The following METTL13 variants were observed in gnomAD, a reference collection of about 807,000 sequenced individuals.
METTL13 encodes the protein eEF1A lysine and N-terminal methyltransferase.
METTL13 carries 52 observed loss-of-function variants against 67.4 expected under a neutral mutation model. That is an observed-to-expected ratio of 0.77 (90% CI 0.62 to 0.97). METTL13 has a LOEUF of 0.97. METTL13 is among the 50% of genes least tolerant of loss of function. The pLI is 0.00. For missense variants in METTL13, 825 were observed against 889.6 expected, an observed-to-expected ratio of 0.93 and a Z score of 0.92; for synonymous variants, 354 against 353.6, an observed-to-expected ratio of 1.00 and a Z score of -0.01.
intron 5 of METTL13, 133 bp downstream of exon 5, chr1:171,790,749 G>A (rs1657179440): frequency 9.9e-7 from 1 of 1,009,748 alleles, no homozygotes; most frequent in Non-Finnish European, 1.3e-6. Context: ...TCTCAACCAT[G>A]TTATAAGTTA....
At chr1:171,792,396 G>A (rs567474478) in intron 6 of METTL13, among the ~76,000 whole-genome samples, 161 bp downstream of exon 6, 1 of 152,352 alleles carries the variant, frequency 6.6e-6, no homozygotes, top group South Asian at 2.1e-4. Flanking sequence ...TAGAGTACCA[G>A]CTATATGCTT....
In METTL13 at chr1:171,782,073, C is replaced by T. The variant is rs1656841075; in HGVS notation, c.106C>T (p.Leu36=). Residue 36 remains leucine, a synonymous_variant, in exon 1 of 8, where the codon CTG becomes TTG. Transcript: ENST00000361735. ...AGCTTTCGAGTGGTATGGAACCTAC[C>T]TGGAACTGTGCGGGGTGCTACATAA... ...KKAFEWYGTY[L]ELCGVLHKYI... 2 of 1,613,976 alleles carry T rather than the reference C, an allele frequency of 1.2e-6. No homozygotes were observed. The highest frequency in any genetic ancestry group is 1.1e-5 in the South Asian group (1 of 91,090).
Position 171,784,291 on chromosome 1 carries a change from G to A in METTL13, c.705G>A (p.Arg235=). The stretch of plus-strand genomic sequence containing the variant: ...CTCAGGAGCAGCGCAAGCCTGTGCG[G>A]CTGGAGAGTGCCGAGCGGCTGGCCG... ...LCAQEQRKPV[R]LESAERLAEA... Residue 235 remains arginine (R), a synonymous_variant, in exon 2 of 8, where the codon CGG becomes CGA. Coordinates refer to ENST00000361735, the MANE Select transcript of METTL13 (RefSeq NM_015935.5). 6.2e-7 allele frequency: 1 copy of A among 1,611,768 alleles called. No individual in the cohort carries two copies. The highest frequency in any genetic ancestry group is 8.5e-7 in the Non-Finnish European group (1 of 1,178,478).
In METTL13 at chr1:171,790,577, G is replaced by A. The variant is rs768437267; in HGVS notation, c.1435G>A (p.Ala479Thr). 23 of 1,596,456 alleles carry A rather than the reference G, an allele frequency of 1.4e-5. No homozygotes were observed. Among genetic ancestry groups the A allele is most frequent in the Admixed American group, 7.1e-5 (4 of 56,068 alleles). Residue 479 changes from alanine to threonine, a missense_variant, in exon 5 of 8, where the codon GCT becomes ACT. By Grantham distance (58) the Ala-to-Thr change is moderately conservative (BLOSUM62 0). Transcript: ENST00000361735. ...TTGTGAACACCACAAAGCCATGATC[G>A]CTGGCCTTGCCCTGCTGAGAAACCC... ...LCCEHHKAMI[A>T]GLALLRNPEL... is the part of the protein sequence containing the mutation.
intron 6 of METTL13, 92 bp from the exon 7 acceptor site, chr1:171,794,295 TCACCATGCC>T (rs1176330879): frequency 3.3e-6 from 5 of 1,530,912 alleles, no homozygotes; most frequent in Non-Finnish European, 3.6e-6. Flanking sequence ...TCTAACTTAG[TCACCATGCC>T]CACCACTGGT....
At chr1:171,789,183 G>A (rs1558131615) in intron 4 of METTL13, among the ~76,000 whole-genome samples, 1 of 152,116 alleles carries the variant, frequency 6.6e-6, no homozygotes, top group Non-Finnish European at 1.5e-5. Flanking sequence ...CTCCCTCATG[G>A]GAGTATTGGT....
rs1656938417 is a variant in METTL13 at position 171,784,403 on chromosome 1, T to C, written c.817T>C (p.Cys273Arg). The change falls in exon 2 of 8, where the codon TGC (cysteine) becomes CGC (arginine). Residue 273 changes from cysteine to arginine, a missense_variant. Coordinates refer to ENST00000361735, the MANE Select transcript of METTL13 (RefSeq NM_015935.5). ...ARLGSVSLDL[C>R]DGDTGEPRYT... Reference sequence around the variant, plus strand: ...GCTGGGGAGTGTGTCTCTGGACTTGTGCGATGGGGACACGGGGGAGCCACG... The same window carrying C: ...GCTGGGGAGTGTGTCTCTGGACTTGCGCGATGGGGACACGGGGGAGCCACG... 2 of 1,555,132 alleles carry C rather than the reference T, an allele frequency of 1.3e-6. No individual in the cohort carries two copies. Among genetic ancestry groups the C allele is most frequent in the African/African-American group, 1.4e-5 (1 of 73,470 alleles).
chr1:171,789,080 A>T (rs1458809758), intron 4 of METTL13, among the ~76,000 whole-genome samples: 1 of 152,004 alleles, frequency 6.6e-6, no homozygotes, highest in Non-Finnish European at 1.5e-5. Context: ...TTAAAAGAAC[A>T]TTTTGCCCCT....
At chr1:171,783,256 C>T (rs1656886172) in intron 1 of METTL13, among the ~76,000 whole-genome samples, 1 of 152,084 alleles carries the variant, frequency 6.6e-6, no homozygotes, top group South Asian at 2.1e-4. Context: ...TTAAGTTCGG[C>T]TTCAGAAGAT....
At position 171,781,871 on chromosome 1, in the gene METTL13, G is replaced by T. The variant is rs766804692; in HGVS notation, c.-97G>T. 21 of 1,549,676 alleles carry T rather than the reference G, an allele frequency of 1.4e-5. No homozygotes were observed. Among genetic ancestry groups the T allele is most frequent in the Non-Finnish European group, 1.8e-5 (21 of 1,148,848 alleles). Reference sequence around the variant, plus strand: ...TTTTTCCGTGGAAAGAATTCCCACTGCAGTGTCCCGGAGCCTGCGTGTGGT... The same window carrying T: ...TTTTTCCGTGGAAAGAATTCCCACTTCAGTGTCCCGGAGCCTGCGTGTGGT... On this transcript the variant is annotated 5_prime_UTR_variant, in exon 1 of 8. Transcript: ENST00000361735.
rs1449420051 is a variant in METTL13, at chr1:171,790,652, C to T, written c.1474+36C>T. On this transcript the variant is annotated intron_variant, in intron 5 of 7. Transcript: ENST00000361735. ...TGCCACTGCCTTCCACAGAAGGGAG[C>T]ATAAAGATTACAGACCTAAACAATT... 3.4e-6 allele frequency: 5 copies of T among 1,466,838 alleles called. No individual in the cohort carries two copies. The Admixed American group carries it at 1.3e-4, about 37-fold the overall frequency. 90.9% of individuals were successfully genotyped at this position (1,466,838 alleles called of 1,614,324 possible).
At position 171,796,972 on chromosome 1, in the gene METTL13, G is replaced by A; in HGVS notation, c.*216G>A. On this transcript the variant is annotated 3_prime_UTR_variant, in exon 8 of 8. Transcript: ENST00000361735. ...GTCCTCTTCAGTACCACTTGGGTTG[G>A]TTTGTCTTTGCTTCCTACACCACGT... 1.7e-6 allele frequency: 1 copy of A among 580,688 alleles called. No individual in the cohort carries two copies. Among genetic ancestry groups the A allele is most frequent in the South Asian group, 2.0e-5 (1 of 49,018 alleles). The allele number at this position is 580,688 out of a possible 1,614,324, so 36.0% of individuals were successfully genotyped here.
rs1656821784 is a variant in METTL13 at position 171,781,695 on chromosome 1, G to C, written c.-273G>C. 9.3e-6 allele frequency: 10 copies of C among 1,069,684 alleles called. No homozygotes were observed. The highest frequency in any genetic ancestry group is 4.1e-5 in the Admixed American group (1 of 24,674). The allele number at this position is 1,069,684 out of a possible 1,614,324, so 66.3% of individuals were successfully genotyped here. A position where few individuals can be genotyped will look rare whatever the true frequency, so the allele number is the denominator to read the frequency against. ...GGTTATGGGCTCGGAAATCTAGTTC[G>C]GGAAAAGTGTGAGGGGCTCTTCACG... On this transcript the variant is annotated 5_prime_UTR_variant, in exon 1 of 8. Coordinates refer to ENST00000361735, the MANE Select transcript of METTL13 (RefSeq NM_015935.5).
intron 4 of METTL13, among the ~76,000 whole-genome samples, chr1:171,788,989 G>A (rs530569132): frequency 6.6e-6 from 1 of 152,192 alleles, no homozygotes; most frequent in Non-Finnish European, 1.5e-5. Flanking sequence ...ACCCAAGATT[G>A]TTGGGTTTCT....
At chr1:171,785,714 C>T (rs1478485895) in intron 2 of METTL13, among the ~76,000 whole-genome samples, 165 bp from the exon 3 acceptor site, 1 of 152,178 alleles carries the variant, frequency 6.6e-6, no homozygotes, top group East Asian at 1.9e-4. Context: ...TGATGGGCTG[C>T]TTTGCCCTAG....
At chr1:171,790,353 C>G in intron 4 of METTL13, 99 bp from the exon 5 acceptor site, 1 of 1,305,414 alleles carries the variant, frequency 7.7e-7, no homozygotes, top group Non-Finnish European at 1.0e-6. Context: ...ACGATTGGGT[C>G]TTTTGAGTGT....
At chr1:171,784,629 G>A in intron 2 of METTL13, 130 bp downstream of exon 2, 2 of 1,203,526 alleles carry the variant, frequency 1.7e-6, no homozygotes, top group African/African-American at 3.0e-5. Context: ...TCTTGCAGGG[G>A]TTTGTACTTC....
chr1:171,795,768 G>A (rs530292504), intron 7 of METTL13, among the ~76,000 whole-genome samples: 5 of 152,278 alleles, frequency 3.3e-5, no homozygotes, highest in Admixed American at 2.0e-4. Context: ...AGATAACCTC[G>A]GCCCTGTCAC....
rs1191936299 is a variant in METTL13, at chr1:171,782,120, G to T, written c.153G>T (p.Lys51Asn). Reference sequence around the variant, plus strand: ...ATAAATATATCAAGCCCAGGGAAAAGGTGAGGAGCGCGGGTTGGTAGCCCT... The same window carrying T: ...ATAAATATATCAAGCCCAGGGAAAATGTGAGGAGCGCGGGTTGGTAGCCCT... Reference protein sequence around the residue: ...VLHKYIKPREKVLVIGCGNSE... With the variant: ...VLHKYIKPRENVLVIGCGNSE... The change falls in exon 1 of 8, where the codon AAG becomes AAT. Residue 51 changes from lysine (K) to asparagine (N), a missense_variant and splice_region_variant. By Grantham distance (94) the Lys-to-Asn change is moderately conservative (BLOSUM62 0). Transcript: ENST00000361735. The T allele has an allele frequency of 1.9e-6, 3 of 1,613,102 alleles. No individual in the cohort carries two copies. The highest frequency in any genetic ancestry group is 1.3e-5 in the African/African-American group (1 of 74,874).
Sources: gnomAD v4.1 joint callset for allele counts (sites outside exome capture counted in the v4.1 genomes callset) on GRCh38, gnomAD v4.1.1 for gene constraint, MANE v1.5 for transcripts, NCBI Gene and HGNC (gene_info 2026-07-23, HGNC 2026-07-21) for gene names.